AKT3: variants seen among roughly 807,000 people sequenced by gnomAD.
The protein encoded by AKT3 is RAC-gamma serine/threonine-protein kinase.
A neutral mutation model predicts 65.3 loss-of-function variants in AKT3; 15 were observed. That is an observed-to-expected ratio of 0.23 (90% confidence interval 0.15 to 0.35). The LOEUF (loss-of-function observed/expected upper bound fraction) is 0.35. Among genes scored for constraint, AKT3 ranks in the 10% least tolerant of loss-of-function variants. The probability of loss-of-function intolerance (pLI) is 1.00; values close to 1 mark genes in which losing one functional copy is unlikely to be tolerated. For synonymous variants in AKT3, 206 were observed against 183.8 expected (o/e 1.12, Z -0.98); for missense variants, 243 against 576.5 (o/e 0.42, Z 5.92).
intron 2 of AKT3, among the ~76,000 whole-genome samples, chr1:243,799,126 A>G (rs182428027): frequency 6.6e-6 from 1 of 152,108 alleles, no homozygotes; most frequent in Admixed American, 6.5e-5. Context: ...TGAGCTCTTT[A>G]TATCTTTATA....
chr1:243,643,256 A>G (rs749060989), intron 5 of AKT3, among the ~76,000 whole-genome samples: 18 of 152,200 alleles, frequency 1.2e-4, no homozygotes, highest in Admixed American at 2.6e-4. Flanking sequence ...AATCCCAAGA[A>G]CTGGAGTCAA....
At chr1:243,653,350 A>C (rs565195944) in intron 4 of AKT3, among the ~76,000 whole-genome samples, 8 of 152,224 alleles carry the variant, frequency 5.3e-5, no homozygotes, top group Admixed American at 5.2e-4. Flanking sequence ...TCAGGCAGCA[A>C]TTAACAGCCT....
chr1:243,683,660 G>T (rs1482607881), intron 3 of AKT3, among the ~76,000 whole-genome samples: 2 of 152,096 alleles, frequency 1.3e-5, no homozygotes, highest in Non-Finnish European at 2.9e-5. Context: ...GAGACAGAAA[G>T]GGGGGAAGGC....
chr1:243,741,742 A>G (rs1364430417), intron 2 of AKT3: 2 of 152,216 alleles, frequency 1.3e-5, no homozygotes, highest in Non-Finnish European at 2.9e-5. Flanking sequence ...ACTAGCAGAC[A>G]TGATAAAACA....
chr1:243,764,375 G>A (rs765439209), intron 2 of AKT3, among the ~76,000 whole-genome samples: 13 of 152,104 alleles, frequency 8.5e-5, no homozygotes, highest in East Asian at 3.9e-4. Context: ...CATTTGTGCC[G>A]TGTATCAAAA....
At chr1:243,776,903 G>C (rs1572331665) in intron 2 of AKT3, among the ~76,000 whole-genome samples, 1 of 152,178 alleles carries the variant, frequency 6.6e-6, no homozygotes, top group African/African-American at 2.4e-5. Flanking sequence ...TCAAACACAT[G>C]AACTGACAAA....
At chr1:243,763,031 A>G (rs1458556265) in intron 2 of AKT3, among the ~76,000 whole-genome samples, 2 of 152,104 alleles carry the variant, frequency 1.3e-5, no homozygotes, top group Non-Finnish European at 2.9e-5. Context: ...CCTACTAGCT[A>G]TACAAAATTG....
At chr1:243,590,107 G>A (rs1012409409) in intron 8 of AKT3, among the ~76,000 whole-genome samples, 1 of 152,072 alleles carries the variant, frequency 6.6e-6, no homozygotes, top group Non-Finnish European at 1.5e-5. Context: ...AAGTAAAATG[G>A]GGAGATACTT....
In AKT3 at chr1:243,669,012, T is replaced by C. The variant is rs1317172706; in HGVS notation, c.173-4129A>G. Among the ~76,000 whole-genome samples, 22 of 152,184 alleles carry C rather than the reference T, an allele frequency of 1.4e-4. No homozygotes were observed. In the South Asian group the frequency reaches 4.2e-3, roughly 29 times the overall value. ...TTCCACAAAAAATAAGCAAAAATAT[T>C]GTTCATTTGAAAGACTTAAGTTTTA... On this transcript the variant is annotated intron_variant, in intron 3 of 13. Coordinates refer to ENST00000673466, the MANE Select transcript of AKT3 (RefSeq NM_005465.7).
At chr1:243,499,384 C>T (rs982291203), downstream of AKT3, among the ~76,000 whole-genome samples, 1 of 152,208 alleles carries the variant, frequency 6.6e-6, no homozygotes, top group Non-Finnish European at 1.5e-5. Context: ...AATTACCTGC[C>T]GTTAAGGTCA....
chr1:243,534,104 TA>T (rs953798480), intron 12 of AKT3, among the ~76,000 whole-genome samples: 5 of 151,554 alleles, frequency 3.3e-5, no homozygotes, highest in African/African-American at 7.3e-5. Context: ...TCAGAGTAGA[TA>T]AAAAAAACAA....
At chr1:243,607,189 G>A (rs1476928712) in intron 8 of AKT3, among the ~76,000 whole-genome samples, 1 of 152,214 alleles carries the variant, frequency 6.6e-6, no homozygotes, top group Non-Finnish European at 1.5e-5. Context: ...GCTGTGAGAA[G>A]AGGGTCACTG....
intron 2 of AKT3, among the ~76,000 whole-genome samples, chr1:243,841,054 AT>A (rs1246256885): frequency 1.3e-5 from 2 of 152,124 alleles, no homozygotes; most frequent in African/African-American, 4.8e-5. Context: ...TGTTATTCAA[AT>A]TTTTATGTTT....
chr1:243,814,026 A>T (rs1052960180), intron 2 of AKT3, among the ~76,000 whole-genome samples: 1 of 152,160 alleles, frequency 6.6e-6, no homozygotes, highest in Non-Finnish European at 1.5e-5. Context: ...GCTTGAGCCC[A>T]GGAGTTAGAG....
Position 243,533,914 on chromosome 1 carries a change from C to T in AKT3, c.1251+11596G>A, listed in dbSNP as rs573157282. On this transcript the variant is annotated intron_variant, in intron 12 of 13. Transcript: ENST00000673466. The stretch of plus-strand genomic sequence containing the variant: ...CTGAGGCAGGAGAATAGTGTGAAGC[C>T]GGGAGGCGGAGCTTGCAGTGAGCCC... Among the ~76,000 whole-genome samples, 26 of 152,206 alleles carry T rather than the reference C, an allele frequency of 1.7e-4. No individual in the cohort carries two copies. The South Asian group carries it at 2.1e-3, about 12-fold the overall frequency.
At chr1:243,733,261 T>C (rs868097071) in intron 2 of AKT3, among the ~76,000 whole-genome samples, 1 of 152,222 alleles carries the variant, frequency 6.6e-6, no homozygotes, top group African/African-American at 2.4e-5. Flanking sequence ...TAAAATTACA[T>C]TAATGAGACA....
chr1:243,732,794 A>G (rs768509295), intron 2 of AKT3, among the ~76,000 whole-genome samples: 1 of 152,206 alleles, frequency 6.6e-6, no homozygotes, highest in Non-Finnish European at 1.5e-5. Context: ...ACCACCCTCC[A>G]AACAGCAGCC....
In AKT3 at chr1:243,550,385, C is replaced by T. The variant is rs535735942; in HGVS notation, c.1163+2344G>A. Among the ~76,000 whole-genome samples the T allele has an allele frequency of 3.3e-5, 5 of 152,140 alleles. No individual in the cohort carries two copies. The East Asian group carries it at 7.7e-4, about 23-fold the overall frequency. The stretch of plus-strand genomic sequence containing the variant: ...AATTGTTCTATTAATACATACTAGG[C>T]GGTTAACATTCTAAGAATTTGCCTC... On this transcript the variant is annotated intron_variant, in intron 11 of 13. Transcript: ENST00000673466.
rs114503181 is a variant in AKT3 at position 243,562,023 on chromosome 1, A to G, written c.948+1697T>C. ...AGGCCATAAAAGGAGATGCATAAAC[A>G]AATGTTCATAGCAGCAGCATTATTC... is the stretch of plus-strand genomic sequence containing the variant. On this transcript the variant is annotated intron_variant, in intron 10 of 13. Coordinates refer to ENST00000673466, the MANE Select transcript of AKT3 (RefSeq NM_005465.7). Among the ~76,000 whole-genome samples the G allele has an allele frequency of 9.8e-3, 1,492 of 152,276 alleles. 28 individuals carry two copies. The highest frequency in any genetic ancestry group is 0.035 in the African/African-American group (1,439 of 41,558).
Sources: gnomAD v4.1 joint callset for allele counts (sites outside exome capture counted in the v4.1 genomes callset) on GRCh38, gnomAD v4.1.1 for gene constraint, MANE v1.5 for transcripts, NCBI Gene and HGNC (gene_info 2026-07-23, HGNC 2026-07-21) for gene names.